The following BCL2L11 variants were observed in gnomAD, a reference collection of about 807,000 sequenced individuals.
BCL2L11 encodes the protein BCL2 like 11, also known as bcl-2-like protein 11.
In BCL2L11, 15 loss-of-function variants were observed where a neutral mutation model predicts 20.6. The observed-to-expected ratio is 0.73, with a 90% CI of 0.49 to 1.12. The LOEUF is 1.12. Ranked by LOEUF, BCL2L11 falls within the 50% of genes most tolerant of loss-of-function variation. The probability of loss-of-function intolerance (pLI) is 0.00; values close to 1 mark genes in which losing one functional copy is unlikely to be tolerated. For missense variants in BCL2L11, 292 were observed against 260.9 expected, an observed-to-expected ratio of 1.12 and a Z score of -0.82; for synonymous variants, 108 against 92.8, an observed-to-expected ratio of 1.16 and a Z score of -0.94.
At chr2:111,144,438 A>G in intron 2 of BCL2L11, 1 of 1,545,140 alleles carries the variant, frequency 6.5e-7, no homozygotes, top group Non-Finnish European at 8.8e-7. Context: ...CATGATTCTG[A>G]TAGCATTTAC....
At chr2:111,150,188 C>T (rs749823552) in intron 3 of BCL2L11, 41 bp downstream of exon 3, 1 of 1,600,468 alleles carries the variant, frequency 6.2e-7, no homozygotes, top group Non-Finnish European at 8.5e-7. Flanking sequence ...CTCACACCCT[C>T]CCCTTCCACA....
intron 2 of BCL2L11, among the ~76,000 whole-genome samples, chr2:111,140,006 G>A (rs72836353): frequency 0.031 from 4,796 of 152,282 alleles, 110 homozygotes; most frequent in Non-Finnish European, 0.052. Context: ...CACATCTTGC[G>A]CTCACAGTCA....
chr2:111,122,915 G>A (rs1487080278), intron 1 of BCL2L11: 3 of 985,332 alleles, frequency 3.0e-6, no homozygotes, highest in Non-Finnish European at 3.6e-6. Flanking sequence ...CTGAAGGGAA[G>A]GCGCGGACGT....
chr2:111,136,393 G>T (rs2074895113), intron 2 of BCL2L11, among the ~76,000 whole-genome samples: 1 of 152,190 alleles, frequency 6.6e-6, no homozygotes, highest in Admixed American at 6.5e-5. Flanking sequence ...CTCTAGGGTT[G>T]TCTGAGGTTC....
intron 2 of BCL2L11, among the ~76,000 whole-genome samples, chr2:111,127,386 C>T (rs1303344218): frequency 2.0e-5 from 3 of 149,430 alleles, no homozygotes; most frequent in African/African-American, 7.4e-5. Context: ...TTCCCTGGCA[C>T]ATTGGAATTC....
chr2:111,142,469 C>A, intron 2 of BCL2L11: 1 of 1,128,764 alleles, frequency 8.9e-7, no homozygotes, highest in Non-Finnish European at 1.3e-6. Context: ...GAGAAGCTTT[C>A]ATTATGTCTT....
At chr2:111,153,823 G>A (rs1246278215) in intron 3 of BCL2L11, 1 of 1,551,956 alleles carries the variant, frequency 6.4e-7, no homozygotes. Flanking sequence ...CATGTATTCA[G>A]TCCACTTAAG....
chr2:111,124,967 G>A (rs1469609618), intron 2 of BCL2L11, among the ~76,000 whole-genome samples: 1 of 152,206 alleles, frequency 6.6e-6, no homozygotes, highest in African/African-American at 2.4e-5. Context: ...GGGATTAAAG[G>A]CAGTAGTAGG....
intron 3 of BCL2L11, among the ~76,000 whole-genome samples, chr2:111,161,146 A>G (rs890227566): frequency 6.6e-6 from 1 of 152,006 alleles, no homozygotes; most frequent in Non-Finnish European, 1.5e-5. Context: ...TTTTAACTTA[A>G]TCACCTTATT....
chr2:111,123,817 G>C lies in BCL2L11; in HGVS notation c.72G>C (p.Arg24Ser). 1 of 1,508,200 alleles carries C rather than the reference G, an allele frequency of 6.6e-7. No individual in the cohort carries two copies. Among genetic ancestry groups the C allele is most frequent in the Non-Finnish European group, 8.9e-7 (1 of 1,129,416 alleles). 93.4% of individuals were successfully genotyped at this position (1,508,200 alleles called of 1,614,324 possible). The change falls in exon 2 of 4, where the codon AGG (arginine) becomes AGC (serine). Residue 24 changes from arginine (R) to serine (S), a missense_variant. Physicochemically the swap from Arg to Ser is moderately radical, Grantham distance 110. Coordinates refer to ENST00000393256, the MANE Select transcript of BCL2L11 (RefSeq NM_138621.5). ...REGRQLQPAE[R>S]PPQLRPGAPT... ...GTAGACAATTGCAGCCTGCGGAGAG[G>C]CCTCCCCAGCTCAGACCTGGGGCCC...
Position 111,164,979 on chromosome 2 carries a change from AACTCCAGTCTGG to A in BCL2L11, c.*753_*764del, listed in dbSNP as rs1407922263. ...CTTTCCTCATCACTTTTTGTGATGCAACTCCAGTCTGGACTCAGATGCATAGATTTGGTCCAG... is the reference window on the plus strand; with the variant it reads ...CTTTCCTCATCACTTTTTGTGATGCAACTCAGATGCATAGATTTGGTCCAG... On this transcript the variant is annotated 3_prime_UTR_variant, in exon 4 of 4. Transcript: ENST00000393256. 2.0e-5 allele frequency: 3 copies of A among 152,218 alleles called. No homozygotes were observed. The highest frequency in any genetic ancestry group is 4.4e-5 in the Non-Finnish European group (3 of 68,044). The allele number at this position is 152,218 out of a possible 1,614,324, so 9.4% of individuals were successfully genotyped here.
intron 2 of BCL2L11, among the ~76,000 whole-genome samples, chr2:111,132,920 G>A (rs187556618): frequency 6.6e-6 from 1 of 152,258 alleles, no homozygotes; most frequent in African/African-American, 2.4e-5. Flanking sequence ...ACGCTATTCA[G>A]TCAAAGCCTT....
chr2:111,123,497 C>T lies in BCL2L11; in HGVS notation c.-13-236C>T, dbSNP rs187803614. 5.3e-5 allele frequency: 52 copies of T among 985,446 alleles called. No homozygotes were observed. The African/African-American group carries it at 8.4e-4, about 16-fold the overall frequency. The allele number at this position is 985,446 out of a possible 1,614,324, so 61.0% of individuals were successfully genotyped here. On this transcript the variant is annotated intron_variant, in intron 1 of 3. Transcript: ENST00000393256. ...AAACGCATGTGTGTGTGCACCAGTT[C>T]CGCAAGCTGTTGACATTGTTACTGT...
chr2:111,123,536 G>A (rs964837511), intron 1 of BCL2L11, 197 bp from the exon 2 acceptor site: 1 of 984,748 alleles, frequency 1.0e-6, no homozygotes, highest in South Asian at 4.7e-5. Flanking sequence ...TTGTTTGGGG[G>A]TACCCTCTAC....
intron 3 of BCL2L11, among the ~76,000 whole-genome samples, chr2:111,155,419 A>T (rs1212328591): frequency 6.6e-6 from 1 of 151,710 alleles, no homozygotes; most frequent in Non-Finnish European, 1.5e-5. Flanking sequence ...CCCTCTGTAG[A>T]TGTGGGCCGG....
At chr2:111,134,346 A>G (rs1486498170) in intron 2 of BCL2L11, among the ~76,000 whole-genome samples, 1 of 152,054 alleles carries the variant, frequency 6.6e-6, no homozygotes, top group African/African-American at 2.4e-5. Context: ...TGGTTGTTCC[A>G]GGTATTACAG....
At chr2:111,125,333 T>A (rs1349377124) in intron 2 of BCL2L11, among the ~76,000 whole-genome samples, 1 of 152,230 alleles carries the variant, frequency 6.6e-6, no homozygotes, top group African/African-American at 2.4e-5. Context: ...GGGCTGAGTC[T>A]GTGTTGATCG....
Position 111,150,136 on chromosome 2 carries a change from T to C in BCL2L11, c.487T>C (p.Tyr163His). ...TATTGGAGACGAGTTTAACGCTTAC[T>C]ATGCAAGGAGGGTAATGATGTTTTC... Reference protein sequence around the residue: ...RRIGDEFNAYYARRVFLNNYQ... With the variant: ...RRIGDEFNAYHARRVFLNNYQ... Residue 163 changes from tyrosine to histidine, a missense_variant, in exon 3 of 4, where the codon TAT (tyrosine) becomes CAT (histidine). By Grantham distance (83) the Tyr-to-His change is moderately conservative. Coordinates refer to ENST00000393256, the MANE Select transcript of BCL2L11 (RefSeq NM_138621.5). The C allele has an allele frequency of 6.2e-7, 1 of 1,613,764 alleles. No homozygotes were observed. Among genetic ancestry groups the C allele is most frequent in the Non-Finnish European group, 8.5e-7 (1 of 1,179,742 alleles).
At chr2:111,148,872 T>C (rs1485157546) in intron 2 of BCL2L11, among the ~76,000 whole-genome samples, 1 of 152,248 alleles carries the variant, frequency 6.6e-6, no homozygotes, top group East Asian at 1.9e-4. Context: ...GTGTTCACTT[T>C]TAAGTGTTTT....
Sources: allele counts gnomAD v4.1 joint callset (sites outside exome capture counted in the v4.1 genomes callset), GRCh38; gene constraint gnomAD v4.1.1; transcripts MANE v1.5; gene names NCBI Gene and HGNC (gene_info 2026-07-23, HGNC 2026-07-21).